CSMD1: variants seen among roughly 807,000 people sequenced by gnomAD.
The protein encoded by CSMD1 is CUB and Sushi multiple domains 1, also known as CUB and sushi domain-containing protein 1.
CSMD1 carries 213 observed loss-of-function variants against 417.5 expected under a neutral mutation model. That is an observed-to-expected ratio of 0.51 (90% CI 0.46 to 0.57). The LOEUF (loss-of-function observed/expected upper bound fraction) is 0.57. Among genes scored for constraint, CSMD1 ranks in the 20% least tolerant of loss-of-function variants. CSMD1 has a pLI of 0.00. For missense variants in CSMD1, 6,923 were observed against 4,529.7 expected, an observed-to-expected ratio of 1.53 and a Z score of -15.17; for synonymous variants, 2,862 against 1,736.8, an observed-to-expected ratio of 1.65 and a Z score of -16.11.
intron 1 of CSMD1, among the ~76,000 whole-genome samples, chr8:4,913,536 A>G (rs563632908): frequency 1.9e-4 from 29 of 152,278 alleles, no homozygotes; most frequent in African/African-American, 6.7e-4. Flanking sequence ...CCTGCCCTCA[A>G]AGAGCTCTAC....
chr8:4,396,400 G>C (rs889033082), intron 3 of CSMD1, among the ~76,000 whole-genome samples: 1 of 152,130 alleles, frequency 6.6e-6, no homozygotes, highest in Non-Finnish European at 1.5e-5. Flanking sequence ...CTGGGAGGCA[G>C]AGGTTTCAGT....
intron 1 of CSMD1, among the ~76,000 whole-genome samples, chr8:4,832,669 T>A (rs1800223801): frequency 1.3e-5 from 2 of 152,206 alleles, no homozygotes; most frequent in Admixed American, 6.5e-5. Context: ...TTCTCATATT[T>A]CTCACAAAGA....
chr8:3,308,233 TAAAGGAAGTCAA>T, intron 24 of CSMD1, 67 bp downstream of exon 24: 1 of 1,108,278 alleles, frequency 9.0e-7, no homozygotes, highest in Non-Finnish European at 1.3e-6. Context: ...TCTTTTCCAA[TAAAGGAAGTCAA>T]TGCAACATGG....
At chr8:3,054,809 C>T (rs1812108664) in intron 49 of CSMD1, among the ~76,000 whole-genome samples, 1 of 152,146 alleles carries the variant, frequency 6.6e-6, no homozygotes, top group South Asian at 2.1e-4. Context: ...TCATTTGGGG[C>T]AAAGCATTTC....
rs1313245332 is a variant in CSMD1, at chr8:3,847,880, AC to A, written c.819-93839del. The stretch of plus-strand genomic sequence containing the variant: ...TTATGCGCTCCCTATAGCTAGTCTG[AC>A]TTTTCAACTCTATCCGTTTTCTCTC... On this transcript the variant is annotated intron_variant, in intron 5 of 69. Coordinates refer to ENST00000635120, the MANE Select transcript of CSMD1 (RefSeq NM_033225.6). 2.6e-5 allele frequency among the ~76,000 whole-genome samples: 4 copies of A among 152,292 alleles called. No individual in the cohort carries two copies. The East Asian group carries it at 7.7e-4, about 29-fold the overall frequency.
intron 5 of CSMD1, among the ~76,000 whole-genome samples, chr8:3,819,332 T>G (rs1325610383): frequency 2.6e-5 from 4 of 152,060 alleles, no homozygotes; most frequent in Non-Finnish European, 5.9e-5. Flanking sequence ...GAGTGACAGG[T>G]AGGAGATTCA....
chr8:4,564,244 T>C (rs1455285905), intron 2 of CSMD1, among the ~76,000 whole-genome samples: 1 of 152,200 alleles, frequency 6.6e-6, no homozygotes, highest in Non-Finnish European at 1.5e-5. Context: ...AAGCACAATA[T>C]CCTTACAGAT....
At chr8:4,412,497 G>A (rs1026661907) in intron 3 of CSMD1, among the ~76,000 whole-genome samples, 5 of 152,164 alleles carry the variant, frequency 3.3e-5, no homozygotes, top group African/African-American at 7.2e-5. Flanking sequence ...CCAGCCTGCA[G>A]AACTGTGAAC....
intron 6 of CSMD1, among the ~76,000 whole-genome samples, chr8:3,725,124 T>C (rs894597208): frequency 6.6e-6 from 1 of 151,940 alleles, no homozygotes; most frequent in Non-Finnish European, 1.5e-5. Context: ...GCAAAGGAGG[T>C]AGACACAGCA....
At chr8:3,725,043 T>C (rs939521028) in intron 6 of CSMD1, among the ~76,000 whole-genome samples, 1 of 152,166 alleles carries the variant, frequency 6.6e-6, no homozygotes, top group African/African-American at 2.4e-5. Context: ...CATTAACCTC[T>C]CCAGACGACT....
At chr8:2,940,036 C>T (rs1252773810) in intron 69 of CSMD1, among the ~76,000 whole-genome samples, 3 of 152,196 alleles carry the variant, frequency 2.0e-5, no homozygotes, top group East Asian at 1.9e-4. Flanking sequence ...GAGGAAGCAA[C>T]TCCCAACATG....
At chr8:4,385,683 A>C (rs1803401671) in intron 3 of CSMD1, among the ~76,000 whole-genome samples, 2 of 152,180 alleles carry the variant, frequency 1.3e-5, no homozygotes, top group South Asian at 4.1e-4. Context: ...AGCACATGCT[A>C]AAAATAGTAA....
intron 36 of CSMD1, among the ~76,000 whole-genome samples, chr8:3,187,519 G>A (rs1796133183): frequency 6.6e-6 from 1 of 152,132 alleles, no homozygotes; most frequent in Non-Finnish European, 1.5e-5. Flanking sequence ...ATTGCTTAAT[G>A]TCAGGCTGTG....
intron 3 of CSMD1, among the ~76,000 whole-genome samples, chr8:4,110,941 C>A (rs1425003980): frequency 1.3e-5 from 2 of 152,082 alleles, no homozygotes; most frequent in African/African-American, 2.4e-5. Flanking sequence ...CTCAGCTGAT[C>A]AATTAATAAG....
rs182160455 is a variant in CSMD1, at chr8:3,791,427, C to G, written c.819-37385G>C. 1.4e-3 allele frequency among the ~76,000 whole-genome samples: 213 copies of G among 152,316 alleles called. 1 individual carries two copies. The highest frequency in any genetic ancestry group is 4.9e-3 in the African/African-American group (203 of 41,574). On this transcript the variant is annotated intron_variant, in intron 5 of 69. Transcript: ENST00000635120. ...GGATTCTTAAAATTCCTCTGTATTTCTCACAGCATCCTAGCATAGTGCTGA... is the reference window on the plus strand; with the variant it reads ...GGATTCTTAAAATTCCTCTGTATTTGTCACAGCATCCTAGCATAGTGCTGA...
intron 49 of CSMD1, among the ~76,000 whole-genome samples, chr8:3,065,360 G>A (rs10093079): frequency 0.035 from 5,362 of 151,770 alleles, 313 homozygotes; most frequent in African/African-American, 0.12. Flanking sequence ...ATAGATAAGT[G>A]GATAGATAAA....
At chr8:4,459,767 G>C (rs574375735) in intron 2 of CSMD1, among the ~76,000 whole-genome samples, 4 of 152,284 alleles carry the variant, frequency 2.6e-5, no homozygotes, top group East Asian at 3.9e-4. Context: ...CTAGCCTCCA[G>C]AACTATGAGA....
Position 4,090,300 on chromosome 8 carries a change from T to C in CSMD1, c.416-58201A>G, listed in dbSNP as rs192547173. On this transcript the variant is annotated intron_variant, in intron 3 of 69. Coordinates refer to ENST00000635120, the MANE Select transcript of CSMD1 (RefSeq NM_033225.6). Reference sequence around the variant, plus strand: ...TCTAATTAAGGAAAGTTAAAGCCACTAGGTAATATCGTTTATAAAGAAACA... The same window carrying C: ...TCTAATTAAGGAAAGTTAAAGCCACCAGGTAATATCGTTTATAAAGAAACA... Among the ~76,000 whole-genome samples the C allele has an allele frequency of 4.8e-3, 734 of 152,324 alleles. 7 individuals carry two copies. Among genetic ancestry groups the C allele is most frequent in the South Asian group, 0.017 (81 of 4,832 alleles).
intron 1 of CSMD1, among the ~76,000 whole-genome samples, chr8:4,887,632 A>G (rs1452470372): frequency 6.6e-6 from 1 of 151,874 alleles, no homozygotes; most frequent in Admixed American, 6.6e-5. Flanking sequence ...CTTTATTTTC[A>G]ATATTTATTA....
Sources: gnomAD v4.1 joint callset for allele counts (sites outside exome capture counted in the v4.1 genomes callset) on GRCh38, gnomAD v4.1.1 for gene constraint, MANE v1.5 for transcripts, NCBI Gene and HGNC (gene_info 2026-07-23, HGNC 2026-07-21) for gene names.